Variants in TRMT2B observed in about 807,000 individuals in gnomAD.
TRMT2B encodes the protein tRNA methyltransferase 2B, also known as tRNA (uracil-5-)-methyltransferase homolog B.
TRMT2B carries 34 observed loss-of-function variants against 39.7 expected under a neutral mutation model. That is an observed-to-expected ratio of 0.86 (90% CI 0.65 to 1.14). The LOEUF is 1.14. Among genes scored for constraint, TRMT2B ranks in the 50% most tolerant of loss-of-function variants. TRMT2B has a pLI of 0.00. For synonymous variants in TRMT2B, 132 were observed against 137.3 expected, an observed-to-expected ratio of 0.96 and a Z score of 0.27; for missense variants, 318 against 377.2, an observed-to-expected ratio of 0.84 and a Z score of 1.30.
In TRMT2B at chrX:101,021,114, G is replaced by T. The variant is rs757360034; in HGVS notation, c.1053C>A (p.Ile351=). The T allele has an allele frequency of 8.3e-7, 1 of 1,208,815 alleles. No individual in the cohort carries two copies. Among genetic ancestry groups the T allele is most frequent in the African/African-American group, 1.7e-5 (1 of 57,265 alleles). ...GCTTCCACTTGCCAGTTCCACAGCAGATGTCAAGAAGGATGGTGTCAGAGT... is the reference window on the plus strand; with the variant it reads ...GCTTCCACTTGCCAGTTCCACAGCATATGTCAAGAAGGATGGTGTCAGAGT... ...GVNSDTILLD[I]CCGTGVIGLS... Residue 351 remains isoleucine (I), a synonymous_variant, in exon 10 of 14, where the codon ATC becomes ATA. Transcript: ENST00000372936.
intron 2 of TRMT2B, among the ~76,000 whole-genome samples, chrX:101,045,814 AATAAT>A (rs1324942206): frequency 1.9e-5 from 2 of 107,776 alleles, no homozygotes; most frequent in Admixed American, 1.0e-4. Flanking sequence ...TAATAATATT[AATAAT>A]ATAACAAAAA....
In TRMT2B at chrX:101,038,041, G is replaced by A. The variant is rs1358723586; in HGVS notation, c.314C>T (p.Ala105Val). The change falls in exon 5 of 14, where the codon GCA (alanine) becomes GTA (valine). Residue 105 changes from alanine (A) to valine (V), a missense_variant. Ala to Val is a moderately conservative substitution (Grantham distance 64). Coordinates refer to ENST00000372936, the MANE Select transcript of TRMT2B (RefSeq NM_024917.6). ...SYEEQLKVKF[A>V]AQKKILQRLE... ...TCTTTGTAAAATTTTCTTCTGAGCT[G>A]CAAATTTCACCTGCAAAAGAATATA... 1 of 1,209,135 alleles carries A rather than the reference G, an allele frequency of 8.3e-7. No homozygotes were observed. Among genetic ancestry groups the A allele is most frequent in the Non-Finnish European group, 1.1e-6 (1 of 894,170 alleles).
intron 13 of TRMT2B, among the ~76,000 whole-genome samples, chrX:101,016,579 C>T (rs774471707): frequency 4.0e-4 from 43 of 107,414 alleles, no homozygotes; most frequent in African/African-American, 1.3e-3. Context: ...TGGATTCAAG[C>T]GATTCTCATG....
intron 13 of TRMT2B, among the ~76,000 whole-genome samples, chrX:101,017,613 A>G (rs973171908): frequency 8.9e-6 from 1 of 112,640 alleles, no homozygotes; most frequent in Non-Finnish European, 1.9e-5. Context: ...AAATATAAAG[A>G]TTTCAAAAAT....
In TRMT2B at chrX:101,010,667, C is replaced by A; in HGVS notation, c.1429G>T (p.Glu477Ter). The change falls in exon 14 of 14, where the codon GAG (glutamate) becomes TAG (stop). Residue 477 changes from glutamate to a stop codon, truncating the protein, a stop_gained. Transcript: ENST00000372936. LOFTEE classifies it high-confidence loss of function. Reference protein sequence around the residue: ...PPDPAKKLLGEPFVLQQAVPV... With the variant: ...PPDPAKKLLG ...ACAGCTTGCTGCAGGACAAAGGGCT[C>A]GCCTAAGAGCTTCTTAGCAGGGTCT... 8.3e-6 allele frequency: 10 copies of A among 1,210,688 alleles called. No individual in the cohort carries two copies. The highest frequency in any genetic ancestry group is 1.1e-5 in the Non-Finnish European group (10 of 895,105).
chrX:101,004,969 G>T (rs776627757), downstream of TRMT2B, among the ~76,000 whole-genome samples: 55 of 111,584 alleles, frequency 4.9e-4, 1 homozygote, highest in South Asian at 0.017. Context: ...CAAACTAGGA[G>T]AGTCCTAGGC....
At chrX:101,039,905 A>G (rs756891561) in intron 4 of TRMT2B, among the ~76,000 whole-genome samples, 10 of 110,217 alleles carry the variant, frequency 9.1e-5, no homozygotes, top group South Asian at 3.9e-4. Flanking sequence ...TCTAAAAAAA[A>G]AAAAGAAAAG....
At chrX:101,037,573 G>C (rs778051651) in intron 5 of TRMT2B, 8 of 169,421 alleles carry the variant, frequency 4.7e-5, no homozygotes, top group African/African-American at 2.4e-4. Context: ...GGGGATGGCA[G>C]GGAGAAAGGT....
At chrX:101,025,002 G>T (rs2086993492) in intron 7 of TRMT2B, among the ~76,000 whole-genome samples, 1 of 108,995 alleles carries the variant, frequency 9.2e-6, no homozygotes, top group Admixed American at 9.9e-5. Context: ...AAAAAAAAAA[G>T]AATCATGATC....
Position 101,015,102 on chromosome X carries a change from T to C in TRMT2B, c.1388+3869A>G, listed in dbSNP as rs1287440087. Among the ~76,000 whole-genome samples, 6 of 112,289 alleles carry C rather than the reference T, an allele frequency of 5.3e-5. No homozygotes were observed. In the East Asian group the frequency reaches 1.4e-3, roughly 26 times the overall value. The stretch of plus-strand genomic sequence containing the variant: ...ACATAGAGAACATCTGCATTTTTTA[T>C]AGCAGTGTAGTGTTTCATTGAATGG... On this transcript the variant is annotated intron_variant, in intron 13 of 13. Transcript: ENST00000372936.
the TRMT2B span, among the ~76,000 whole-genome samples, chrX:100,998,572 A>G: frequency 1.0e-5 from 1 of 100,471 alleles, no homozygotes; most frequent in African/African-American, 3.7e-5. Context: ...AAAAAAAAAA[A>G]ACGACACCCA....
intron 7 of TRMT2B, among the ~76,000 whole-genome samples, chrX:101,033,712 T>A (rs1222000336): frequency 1.8e-5 from 2 of 111,895 alleles, no homozygotes; most frequent in African/African-American, 3.2e-5. Context: ...TATTAATATG[T>A]AGGACTATGC....
the TRMT2B span, among the ~76,000 whole-genome samples, chrX:101,001,026 C>T: frequency 9.0e-6 from 1 of 110,793 alleles, no homozygotes; most frequent in Admixed American, 9.8e-5. Flanking sequence ...AGGGAGAGCC[C>T]AAATGTGTGC....
the TRMT2B span, among the ~76,000 whole-genome samples, chrX:100,984,690 G>A: frequency 6.3e-5 from 7 of 111,857 alleles, no homozygotes; most frequent in Non-Finnish European, 9.4e-5. Flanking sequence ...GTTTTAGTTG[G>A]AGAGACAAAG....
At chrX:100,990,634 C>T in the TRMT2B span, 1 of 1,103,070 alleles carries the variant, frequency 9.1e-7, no homozygotes, top group African/African-American at 1.8e-5. Flanking sequence ...ATGAAGACCA[C>T]CTTGGTAAAA....
At chrX:100,985,858 A>C in the TRMT2B span, 1 of 1,211,369 alleles carries the variant, frequency 8.3e-7, no homozygotes, top group Non-Finnish European at 1.1e-6. Flanking sequence ...GCAGGAAGTG[A>C]AGATCATCTT....
chrX:101,014,393 A>T (rs1300969272), intron 13 of TRMT2B, among the ~76,000 whole-genome samples: 1 of 110,788 alleles, frequency 9.0e-6, no homozygotes, highest in African/African-American at 3.3e-5. Flanking sequence ...GCTGGAGTGC[A>T]GTGGCACAAT....
At chrX:100,976,510 G>A in the TRMT2B span, among the ~76,000 whole-genome samples, 5 of 111,715 alleles carry the variant, frequency 4.5e-5, no homozygotes, top group African/African-American at 1.6e-4. Context: ...GGCCACCTCT[G>A]TCTACGCAGG....
chrX:101,008,799 AC>A (rs1435198475), downstream of TRMT2B, among the ~76,000 whole-genome samples: 1 of 110,921 alleles, frequency 9.0e-6, no homozygotes, highest in African/African-American at 3.3e-5. Flanking sequence ...TGTCCTAATC[AC>A]CCCATGGCCA....
Sources: allele counts gnomAD v4.1 joint callset (sites outside exome capture counted in the v4.1 genomes callset), GRCh38; gene constraint gnomAD v4.1.1; transcripts MANE v1.5; gene names NCBI Gene and HGNC (gene_info 2026-07-23, HGNC 2026-07-21).